The following EPHA6 variants were observed in gnomAD, a reference collection of about 807,000 sequenced individuals.
EPHA6 encodes the protein EPH receptor A6.
Under a neutral mutation model 112.0 loss-of-function variants are expected in EPHA6, and 50 were observed. That is an observed-to-expected ratio of 0.45 (90% CI 0.36 to 0.56). The LOEUF (loss-of-function observed/expected upper bound fraction) is 0.56, where lower values mean the gene tolerates loss of function less well. Ranked by LOEUF, EPHA6 falls within the 20% of genes least tolerant of loss-of-function variation. The pLI, the probability that EPHA6 is intolerant of heterozygous loss-of-function variation, is 0.00. For missense variants in EPHA6, 1,280 were observed against 1,417.4 expected (o/e 0.90, Z 1.56); for synonymous variants, 529 against 490.7 (o/e 1.08, Z -1.03).
chr3:97,711,820 C>T (rs1014378000), intron 14 of EPHA6, among the ~76,000 whole-genome samples: 5 of 152,090 alleles, frequency 3.3e-5, no homozygotes, highest in African/African-American at 1.2e-4. Flanking sequence ...AATGTTTTAC[C>T]AGCTATCTGG....
chr3:96,850,948 T>C (rs2035346658), intron 1 of EPHA6, among the ~76,000 whole-genome samples: 1 of 152,092 alleles, frequency 6.6e-6, no homozygotes, highest in South Asian at 2.1e-4. Context: ...TAAAATAATA[T>C]TAAAATTCAA....
chr3:96,875,823 TTTTA>T lies in EPHA6; in HGVS notation c.450+8942_450+8945del, dbSNP rs1470372799. 3.9e-5 allele frequency among the ~76,000 whole-genome samples: 6 copies of T among 151,996 alleles called. 1 individual carries two copies. The highest frequency in any genetic ancestry group is 1.4e-4 in the African/African-American group (6 of 41,536). On this transcript the variant is annotated intron_variant, in intron 2 of 17. Transcript: ENST00000389672. ...TCTTCTTGACTTACATAAAACAGTC[TTTTA>T]TTTATTTTTATTTTTATTCATTTTA...
At chr3:97,117,235 A>G (rs2047914617) in intron 3 of EPHA6, among the ~76,000 whole-genome samples, 1 of 151,664 alleles carries the variant, frequency 6.6e-6, no homozygotes, top group African/African-American at 2.4e-5. Context: ...ACCTCTTATA[A>G]GATGTATGGT....
chr3:97,737,961 C>A (rs1184704287), intron 16 of EPHA6, among the ~76,000 whole-genome samples: 1 of 152,026 alleles, frequency 6.6e-6, no homozygotes, highest in Non-Finnish European at 1.5e-5. Flanking sequence ...GAGAGAGTTT[C>A]AAGGAGTATA....
chr3:97,479,117 G>C (rs920131490), intron 8 of EPHA6, among the ~76,000 whole-genome samples, 177 bp from the exon 9 acceptor site: 2 of 151,776 alleles, frequency 1.3e-5, no homozygotes, highest in Non-Finnish European at 2.9e-5. Context: ...TTTATTCTAG[G>C]GCTAATTTCA....
chr3:97,403,309 A>G (rs1269287207), intron 5 of EPHA6, among the ~76,000 whole-genome samples: 1 of 152,154 alleles, frequency 6.6e-6, no homozygotes, highest in Non-Finnish European at 1.5e-5. Context: ...TTTAATTCTA[A>G]TATCCCATTG....
intron 5 of EPHA6, 53 bp from the exon 6 acceptor site, chr3:97,405,097 T>A: frequency 1.3e-6 from 2 of 1,537,624 alleles, no homozygotes; most frequent in Non-Finnish European, 1.8e-6. Context: ...AAAGAAAGGA[T>A]AATGGAAAAT....
intron 3 of EPHA6, among the ~76,000 whole-genome samples, chr3:97,009,617 G>A (rs1446227176): frequency 6.6e-6 from 1 of 152,244 alleles, no homozygotes; most frequent in Non-Finnish European, 1.5e-5. Context: ...CAGCTGCGCT[G>A]GTGCTGGTTG....
intron 12 of EPHA6, among the ~76,000 whole-genome samples, chr3:97,595,721 A>AG (rs1172814041): frequency 1.3e-5 from 2 of 151,818 alleles, no homozygotes; most frequent in African/African-American, 4.8e-5. Context: ...GAGAAAAGAG[A>AG]GGGGAGAATA....
chr3:97,707,123 A>T (rs2033721763), intron 14 of EPHA6, among the ~76,000 whole-genome samples: 1 of 152,200 alleles, frequency 6.6e-6, no homozygotes, highest in African/African-American at 2.4e-5. Context: ...ATGATGACTA[A>T]AAAGGAACTG....
chr3:97,068,229 A>G (rs2046241589), intron 3 of EPHA6, among the ~76,000 whole-genome samples: 2 of 151,952 alleles, frequency 1.3e-5, no homozygotes, highest in African/African-American at 4.8e-5. Flanking sequence ...TTAATGGTGG[A>G]AAAATTTTAC....
chr3:97,071,072 CTTTG>C (rs1445728236), intron 3 of EPHA6, among the ~76,000 whole-genome samples: 3 of 151,950 alleles, frequency 2.0e-5, no homozygotes, highest in African/African-American at 7.3e-5. Flanking sequence ...GGACTAGATC[CTTTG>C]TTTGTCAGTA....
At chr3:97,692,826 A>G (rs1376037395) in intron 14 of EPHA6, among the ~76,000 whole-genome samples, 2 of 152,180 alleles carry the variant, frequency 1.3e-5, no homozygotes, top group Admixed American at 6.5e-5. Context: ...CAGTTTCTTG[A>G]CAAAGTCACA....
intron 5 of EPHA6, among the ~76,000 whole-genome samples, chr3:97,398,493 G>A (rs2086813036): frequency 6.6e-6 from 1 of 151,174 alleles, no homozygotes; most frequent in Non-Finnish European, 1.5e-5. Flanking sequence ...AATTATCTGA[G>A]CACTTTTTCT....
intron 6 of EPHA6, among the ~76,000 whole-genome samples, chr3:97,435,879 C>T (rs915463779): frequency 6.6e-6 from 1 of 152,272 alleles, no homozygotes; most frequent in East Asian, 1.9e-4. Context: ...TTGAATTACT[C>T]TACTCGCATT....
rs183066184 is a variant in EPHA6, at chr3:97,129,783, A to G, written c.1115-96481A>G. Among the ~76,000 whole-genome samples, 74 of 152,324 alleles carry G rather than the reference A, an allele frequency of 4.9e-4. 2 individuals are homozygous for G. In the East Asian group the frequency reaches 0.014, roughly 28 times the overall value. ...GTACATGTAAAATTGCTGATCAAGT[A>G]GAGTAATTCTTGCTGAACTGACCTA... On this transcript the variant is annotated intron_variant, in intron 3 of 17. Transcript: ENST00000389672.
At chr3:96,863,903 T>C (rs1007597152) in intron 1 of EPHA6, among the ~76,000 whole-genome samples, 1 of 152,154 alleles carries the variant, frequency 6.6e-6, no homozygotes, top group Non-Finnish European at 1.5e-5. Flanking sequence ...GTTGTACCAG[T>C]GAATTTTCTG....
At chr3:97,524,502 T>C (rs2092591300) in intron 10 of EPHA6, among the ~76,000 whole-genome samples, 1 of 152,092 alleles carries the variant, frequency 6.6e-6, no homozygotes. Context: ...TACTAATGAG[T>C]GATTTACATA....
intron 15 of EPHA6, among the ~76,000 whole-genome samples, chr3:97,729,651 T>G (rs906271051): frequency 2.0e-4 from 30 of 152,174 alleles, no homozygotes; most frequent in Non-Finnish European, 3.7e-4. Context: ...TCAGAAAGTA[T>G]AAAATTACAA....
Sources: gnomAD v4.1 joint callset for allele counts (sites outside exome capture counted in the v4.1 genomes callset) on GRCh38, gnomAD v4.1.1 for gene constraint, MANE v1.5 for transcripts, NCBI Gene and HGNC (gene_info 2026-07-23, HGNC 2026-07-21) for gene names.